The following ARHGAP21 variants were observed in gnomAD, a reference collection of about 807,000 sequenced individuals.
The protein encoded by ARHGAP21 is Rho GTPase activating protein 21.
ARHGAP21 carries 38 observed loss-of-function variants against 164.6 expected under a neutral mutation model. That is an observed-to-expected ratio of 0.23 (90% CI 0.18 to 0.30). The LOEUF is 0.30. Among genes scored for constraint, ARHGAP21 ranks in the 10% least tolerant of loss-of-function variants. The pLI, the probability that ARHGAP21 is intolerant of heterozygous loss-of-function variation, is 1.00. For synonymous variants in ARHGAP21, 766 were observed against 857.9 expected, an observed-to-expected ratio of 0.89 and a Z score of 1.87; for missense variants, 1,822 against 2,370.7, an observed-to-expected ratio of 0.77 and a Z score of 4.81.
At position 24,689,792 on chromosome 10, in the gene ARHGAP21, G is replaced by GTGTA. The variant is rs1261065414; in HGVS notation, c.64-19396_64-19395insTACA. On this transcript the variant is annotated intron_variant, in intron 2 of 25. Transcript: ENST00000396432. ...TGTATATATGTGTGTGTATATATAT[G>GTGTA]TATATATGTATATGTATGTGTATAT... Among the ~76,000 whole-genome samples the GTGTA allele has an allele frequency of 7.4e-5, 11 of 149,098 alleles. No individual in the cohort carries two copies. The East Asian group carries it at 2.2e-3, about 29-fold the overall frequency.
rs899950952 is a variant in ARHGAP21, at chr10:24,619,331, G to C, written c.2422+142C>G. 1.1e-5 allele frequency: 9 copies of C among 817,072 alleles called. No homozygotes were observed. The African/African-American group carries it at 1.6e-4, about 14-fold the overall frequency. 50.6% of individuals were successfully genotyped at this position (817,072 alleles called of 1,614,324 possible). A position where few individuals can be genotyped will look rare whatever the true frequency, so the allele number is the denominator to read the frequency against. On this transcript the variant is annotated intron_variant, in intron 9 of 25. Coordinates refer to ENST00000396432, the MANE Select transcript of ARHGAP21 (RefSeq NM_020824.4). ...AAAGAGGTTTGTGAAAGCTCTGGTT[G>C]AAGCACAGCTTATGAGATTCACTAG... is the stretch of plus-strand genomic sequence containing the variant.
chr10:24,723,404 C>A (rs1846126729), intron 1 of ARHGAP21, among the ~76,000 whole-genome samples, 158 bp downstream of exon 1: 3 of 147,420 alleles, frequency 2.0e-5, no homozygotes. Context: ...CCCTCCGCCC[C>A]CGCCGGGCGC....
rs1458966880 is a variant in ARHGAP21, at chr10:24,723,832, C to CGCCGG, written c.-656_-652dup. Among the ~76,000 whole-genome samples the CGCCGG allele has an allele frequency of 1.5e-3, 228 of 149,840 alleles. 2 individuals are homozygous for CGCCGG. The highest frequency in any genetic ancestry group is 4.1e-3 in the African/African-American group (169 of 41,188). On this transcript the variant is annotated 5_prime_UTR_variant, in exon 1 of 26. Transcript: ENST00000396432. ...CGGCCGCCGGACTCTCCCCTCGCCT[C>CGCCGG]GCCGGGCCGGGCCGGGGCCCAGCTC...
intron 2 of ARHGAP21, among the ~76,000 whole-genome samples, chr10:24,696,576 G>A (rs763298029): frequency 6.6e-6 from 1 of 152,156 alleles, no homozygotes; most frequent in Non-Finnish European, 1.5e-5. Flanking sequence ...GCTGGATGAA[G>A]GCTGAAATGA....
chr10:24,632,902 GTATC>G (rs1342913838), intron 6 of ARHGAP21, among the ~76,000 whole-genome samples: 1 of 152,116 alleles, frequency 6.6e-6, no homozygotes, highest in Non-Finnish European at 1.5e-5. Flanking sequence ...CTATAAATAT[GTATC>G]TAACTTTAGA....
At chr10:24,655,001 C>T (rs1218016495) in intron 4 of ARHGAP21, among the ~76,000 whole-genome samples, 2 of 152,106 alleles carry the variant, frequency 1.3e-5, no homozygotes, top group Admixed American at 6.5e-5. Context: ...ACAAACCTGA[C>T]AAAAACAAGA....
At chr10:24,656,284 T>C (rs1321903746) in intron 4 of ARHGAP21, among the ~76,000 whole-genome samples, 1 of 85,380 alleles carries the variant, frequency 1.2e-5, no homozygotes, top group Non-Finnish European at 2.3e-5. Context: ...CGGCCGCCCC[T>C]ACTGGGAAGT....
chr10:24,595,181 G>C lies in ARHGAP21; in HGVS notation c.3722C>G (p.Ala1241Gly), dbSNP rs1029459359. Residue 1241 changes from alanine (A) to glycine (G), a missense_variant, in exon 20 of 26, where the codon GCT becomes GGT. Coordinates refer to ENST00000396432, the MANE Select transcript of ARHGAP21 (RefSeq NM_020824.4). ...PEPLFTNDKY[A>G]DFIEANRKED... ...TTTACGATTGGCTTCAATAAAATCA[G>C]CATATTTATCTGACGACAAGAACAA... is the stretch of plus-strand genomic sequence containing the variant. The C allele has an allele frequency of 1.2e-6, 2 of 1,610,416 alleles. No homozygotes were observed. Among genetic ancestry groups the C allele is most frequent in the African/African-American group, 1.3e-5 (1 of 74,750 alleles).
rs555474411 is a variant in ARHGAP21 at position 24,652,781 on chromosome 10, T to C, written c.268+14204A>G. 3.9e-5 allele frequency among the ~76,000 whole-genome samples: 6 copies of C among 152,272 alleles called. No individual in the cohort carries two copies. In the South Asian group the frequency reaches 1.2e-3, roughly 32 times the overall value. ...TGACAACAGCAAGTGTCAGTGAGGA[T>C]ACAGAGCAAGCGGAACTCTCATACA... is the stretch of plus-strand genomic sequence containing the variant. On this transcript the variant is annotated intron_variant, in intron 4 of 25. Transcript: ENST00000396432.
rs768183583 is a variant in ARHGAP21, at chr10:24,625,299, G to GCAAAAAAAAAAAAAAAAAAAAAAAACAAA, written c.496-2538_496-2537insTTTGTTTTTTTTTTTTTTTTTTTTTTTTG. On this transcript the variant is annotated intron_variant, in intron 7 of 25. Coordinates refer to ENST00000396432, the MANE Select transcript of ARHGAP21 (RefSeq NM_020824.4). ...TAAATGGTAAACAAAATGAAACAGA[G>GCAAAAAAAAAAAAAAAAAAAAAAAACAAA]AAAAAAAAAAAAAAAAAAAAAAAAC... Among the ~76,000 whole-genome samples the GCAAAAAAAAAAAAAAAAAAAAAAAACAAA allele has an allele frequency of 3.7e-5, 2 of 53,798 alleles. 1 individual carries two copies. Among genetic ancestry groups the GCAAAAAAAAAAAAAAAAAAAAAAAACAAA allele is most frequent in the Non-Finnish European group, 6.8e-5 (2 of 29,212 alleles). The allele number at this position is 53,798 out of a possible 152,430, so 35.3% of individuals were successfully genotyped here.
intron 4 of ARHGAP21, among the ~76,000 whole-genome samples, chr10:24,638,399 A>C (rs1284889089): frequency 2.6e-5 from 4 of 152,230 alleles, no homozygotes; most frequent in African/African-American, 9.6e-5. Context: ...TGTGCTCCGC[A>C]ATTTTGCCAG....
intron 2 of ARHGAP21, among the ~76,000 whole-genome samples, chr10:24,687,395 A>G (rs1193195403): frequency 6.6e-6 from 1 of 152,220 alleles, no homozygotes; most frequent in African/African-American, 2.4e-5. Flanking sequence ...TTTACATAAA[A>G]CAAAGATAAT....
chr10:24,596,775 G>A lies in ARHGAP21; in HGVS notation c.3442C>T (p.Arg1148Ter). ...KPTATGTFGVRLDDCPPAHTN... is the reference protein window; with the variant it reads ...KPTATGTFGV Reference sequence around the variant, plus strand: ...TGAGCTGGTGGGCAGTCATCTAGTCGGACGCCGAAAGTTCCTGTAGCAGTT... The same window carrying A: ...TGAGCTGGTGGGCAGTCATCTAGTCAGACGCCGAAAGTTCCTGTAGCAGTT... Residue 1148 changes from arginine to a stop codon, truncating the protein, a stop_gained, in exon 17 of 26, where the codon CGA becomes TGA. Transcript: ENST00000396432. LOFTEE classifies it high-confidence loss of function. 1.2e-6 allele frequency: 2 copies of A among 1,612,254 alleles called. No homozygotes were observed. The highest frequency in any genetic ancestry group is 1.7e-6 in the Non-Finnish European group (2 of 1,179,504).
intron 2 of ARHGAP21, among the ~76,000 whole-genome samples, chr10:24,672,998 A>T (rs1840862137): frequency 6.6e-6 from 1 of 152,192 alleles, no homozygotes; most frequent in Non-Finnish European, 1.5e-5. Context: ...AAATCTGACA[A>T]AAGATTTGTA....
intron 25 of ARHGAP21, among the ~76,000 whole-genome samples, chr10:24,586,711 G>T (rs894620537): frequency 6.6e-6 from 1 of 152,092 alleles, no homozygotes; most frequent in African/African-American, 2.4e-5. Context: ...AAATCAGGTT[G>T]GTAATGTCTT....
intron 4 of ARHGAP21, among the ~76,000 whole-genome samples, chr10:24,643,227 A>G (rs920625568): frequency 6.6e-6 from 1 of 152,264 alleles, no homozygotes; most frequent in Non-Finnish European, 1.5e-5. Flanking sequence ...GAATCCTGGC[A>G]TCTGCCTTCT....
At chr10:24,715,938 GGCGGAGGTTGCTGTGAGCGCAGAT>G in intron 2 of ARHGAP21, among the ~76,000 whole-genome samples, 1 of 152,234 alleles carries the variant, frequency 6.6e-6, no homozygotes, top group Non-Finnish European at 1.5e-5. Flanking sequence ...GAGCCTGGGA[GGCGGAGGTTGCTGTGAGCGCAGAT>G]TGCACCACTG....
At chr10:24,622,832 G>A in intron 7 of ARHGAP21, 70 bp from the exon 8 acceptor site, 1 of 1,504,016 alleles carries the variant, frequency 6.6e-7, no homozygotes, top group Non-Finnish European at 9.1e-7. Context: ...TTGTCATATT[G>A]ATGCTGGAAA....
At chr10:24,713,757 G>A (rs1291275310) in intron 2 of ARHGAP21, among the ~76,000 whole-genome samples, 1 of 151,656 alleles carries the variant, frequency 6.6e-6, no homozygotes, top group East Asian at 1.9e-4. Context: ...ACAGGCATTA[G>A]CCACCACGTC....
Sources: gnomAD v4.1 joint callset for allele counts (sites outside exome capture counted in the v4.1 genomes callset) on GRCh38, gnomAD v4.1.1 for gene constraint, MANE v1.5 for transcripts, NCBI Gene and HGNC (gene_info 2026-07-23, HGNC 2026-07-21) for gene names.